The following AUTS2 variants were observed in gnomAD, a reference collection of about 807,000 sequenced individuals.
The protein encoded by AUTS2 is activator of transcription and developmental regulator AUTS2.
In AUTS2, 17 loss-of-function variants were observed where a neutral mutation model predicts 112.4. The ratio of observed to expected loss-of-function variants is 0.15; its 90% CI spans 0.10 to 0.23. The LOEUF (loss-of-function observed/expected upper bound fraction) is 0.23, where lower values mean the gene tolerates loss of function less well. Ranked by LOEUF, AUTS2 falls within the 10% of genes least tolerant of loss-of-function variation. The pLI is 1.00. For synonymous variants in AUTS2, 751 were observed against 702.7 expected (o/e 1.07, Z -1.09); for missense variants, 1,510 against 1,701.6 (o/e 0.89, Z 1.98).
intron 4 of AUTS2, among the ~76,000 whole-genome samples, chr7:70,374,863 G>A (rs1052627591): frequency 2.0e-5 from 3 of 152,138 alleles, no homozygotes; most frequent in South Asian, 2.1e-4. Context: ...CACACAGACC[G>A]TAAGTAGATG....
At chr7:69,944,607 A>G (rs896085526) in intron 2 of AUTS2, among the ~76,000 whole-genome samples, 3 of 152,142 alleles carry the variant, frequency 2.0e-5, no homozygotes, top group Non-Finnish European at 4.4e-5. Flanking sequence ...CATCAAACTG[A>G]ATGGTCAGCA....
intron 1 of AUTS2, among the ~76,000 whole-genome samples, chr7:69,638,184 A>C (rs1794635252): frequency 6.6e-6 from 1 of 151,928 alleles, no homozygotes; most frequent in Non-Finnish European, 1.5e-5. Context: ...GTGCCTGGCT[A>C]ATTTTATTTT....
At chr7:69,914,011 A>G (rs892792463) in intron 2 of AUTS2, among the ~76,000 whole-genome samples, 2 of 152,132 alleles carry the variant, frequency 1.3e-5, no homozygotes, top group Non-Finnish European at 2.9e-5. Context: ...TTTCTCGACC[A>G]TATGGTTTAT....
rs186168453 is a variant in AUTS2 at position 70,066,139 on chromosome 7, T to A, written c.523-51993T>A. 1.4e-4 allele frequency among the ~76,000 whole-genome samples: 21 copies of A among 152,340 alleles called. No homozygotes were observed. In the East Asian group the frequency reaches 2.3e-3, roughly 17 times the overall value. On this transcript the variant is annotated intron_variant, in intron 2 of 18. Transcript: ENST00000342771. ...AGTTTGATAATTTTGCCATCATTTT[T>A]AAAAAATTTTGTAAAATAATTGAAA...
At chr7:70,191,128 C>A (rs376104032) in intron 4 of AUTS2, among the ~76,000 whole-genome samples, 2 of 142,588 alleles carry the variant, frequency 1.4e-5, no homozygotes, top group Non-Finnish European at 1.5e-5. Flanking sequence ...TGACAGCTTA[C>A]ATATGATGCT....
At chr7:69,638,824 A>G (rs925201663) in intron 1 of AUTS2, among the ~76,000 whole-genome samples, 8 of 152,216 alleles carry the variant, frequency 5.3e-5, no homozygotes, top group African/African-American at 1.9e-4. Flanking sequence ...GGAGCAAAGC[A>G]AAGGCTTCAC....
In AUTS2 at chr7:70,676,898, CT is replaced by C. The variant is rs1242042060; in HGVS notation, c.691-21670del. Among the ~76,000 whole-genome samples, 5 of 152,182 alleles carry C rather than the reference CT, an allele frequency of 3.3e-5. No homozygotes were observed. The East Asian group carries it at 5.8e-4, about 18-fold the overall frequency. ...ATCTCAAAAAAAAAAGTTCACCTTT[CT>C]GTTTCTTTCCAGTCCTTCTCTGTTA... On this transcript the variant is annotated intron_variant, in intron 5 of 18. Coordinates refer to ENST00000342771, the MANE Select transcript of AUTS2 (RefSeq NM_015570.4).
At chr7:70,484,324 CTCT>C (rs1267458920) in intron 5 of AUTS2, among the ~76,000 whole-genome samples, 1 of 152,250 alleles carries the variant, frequency 6.6e-6, no homozygotes, top group African/African-American at 2.4e-5. Context: ...CCATTCTGAA[CTCT>C]GGGCTTGGGC....
At chr7:70,211,842 G>C (rs1315858121) in intron 4 of AUTS2, among the ~76,000 whole-genome samples, 4 of 148,970 alleles carry the variant, frequency 2.7e-5, no homozygotes, top group African/African-American at 4.9e-5. Flanking sequence ...AAAAATTAGC[G>C]GGGCGTGATG....
intron 4 of AUTS2, among the ~76,000 whole-genome samples, chr7:70,376,562 G>T (rs1487950212): frequency 6.6e-6 from 1 of 151,780 alleles, no homozygotes; most frequent in East Asian, 1.9e-4. Flanking sequence ...CCCTCTTACT[G>T]CTGCTTGCTT....
At chr7:70,765,823 A>G (rs1328331854) in intron 8 of AUTS2, among the ~76,000 whole-genome samples, 1 of 152,198 alleles carries the variant, frequency 6.6e-6, no homozygotes, top group Non-Finnish European at 1.5e-5. Context: ...TCACTCAGCC[A>G]GTGGTGACAG....
intron 1 of AUTS2, among the ~76,000 whole-genome samples, chr7:69,876,119 C>G (rs915297674): frequency 4.0e-5 from 6 of 150,756 alleles, no homozygotes; most frequent in Middle Eastern, 3.4e-3. Context: ...GTAATCCCAG[C>G]ACTTTGGGAG....
At chr7:70,140,724 G>A (rs1004732086) in intron 4 of AUTS2, among the ~76,000 whole-genome samples, 1 of 151,824 alleles carries the variant, frequency 6.6e-6, no homozygotes, top group East Asian at 1.9e-4. Context: ...TTAATTTTTG[G>A]CCATTATATA....
At chr7:70,250,883 G>T (rs1479853160) in intron 4 of AUTS2, among the ~76,000 whole-genome samples, 1 of 152,012 alleles carries the variant, frequency 6.6e-6, no homozygotes, top group Non-Finnish European at 1.5e-5. Flanking sequence ...GGTGGTAGGA[G>T]GGAGAGGATC....
chr7:70,399,136 A>G (rs1025122550), intron 4 of AUTS2, among the ~76,000 whole-genome samples: 2 of 151,378 alleles, frequency 1.3e-5, no homozygotes, highest in African/African-American at 4.9e-5. Context: ...ACAGGCATGC[A>G]CCACTATGCC....
intron 5 of AUTS2, among the ~76,000 whole-genome samples, chr7:70,491,883 G>A (rs576506160): frequency 6.6e-6 from 1 of 152,186 alleles, no homozygotes; most frequent in East Asian, 1.9e-4. Flanking sequence ...CCAGAGTGCT[G>A]GGATTACAAG....
intron 3 of AUTS2, among the ~76,000 whole-genome samples, chr7:70,131,461 A>G (rs929076277): frequency 1.3e-5 from 2 of 152,156 alleles, no homozygotes; most frequent in African/African-American, 2.4e-5. Flanking sequence ...TCACCTGTCT[A>G]CTTTCATGGT....
rs764294098 is a variant in AUTS2, at chr7:70,768,019, T to C, written c.1690-5T>C. On this transcript the variant is annotated splice_region_variant and splice_polypyrimidine_tract_variant and intron_variant, in intron 9 of 18. Transcript: ENST00000342771. ...TAACTAGCTTTTGCTTTGATCCCTT[T>C]ACAGTTTGACAAATACCCTACAAAA... The C allele has an allele frequency of 9.9e-6, 16 of 1,611,174 alleles. No individual in the cohort carries two copies. Among genetic ancestry groups the C allele is most frequent in the Non-Finnish European group, 1.4e-5 (16 of 1,179,022 alleles).
chr7:69,616,351 C>T (rs563690936), intron 1 of AUTS2, among the ~76,000 whole-genome samples: 2 of 152,318 alleles, frequency 1.3e-5, no homozygotes, highest in South Asian at 4.1e-4. Flanking sequence ...TCTATCTCCA[C>T]ATGGGTCTCA....
Sources: gnomAD v4.1 joint callset for allele counts (sites outside exome capture counted in the v4.1 genomes callset) on GRCh38, gnomAD v4.1.1 for gene constraint, MANE v1.5 for transcripts, NCBI Gene and HGNC (gene_info 2026-07-23, HGNC 2026-07-21) for gene names.